The following ISLR2 variants were observed in gnomAD, a reference collection of about 807,000 sequenced individuals.
The protein encoded by ISLR2 is immunoglobulin superfamily containing leucine rich repeat 2.
ISLR2 carries 16 observed loss-of-function variants against 25.5 expected under a neutral mutation model. The observed-to-expected ratio is 0.63, with a 90% CI of 0.43 to 0.95. ISLR2 has a LOEUF of 0.95. Ranked by LOEUF, ISLR2 falls within the 40% of genes least tolerant of loss-of-function variation. The pLI is 0.00. For missense variants in ISLR2, 883 were observed against 1,030.7 expected (o/e 0.86, Z 1.96); for synonymous variants, 508 against 486.6 (o/e 1.04, Z -0.58).
In ISLR2 at chr15:74,132,945, C is replaced by T; in HGVS notation, c.191C>T (p.Thr64Ile). 6.2e-7 allele frequency: 1 copy of T among 1,614,074 alleles called. No individual in the cohort carries two copies. Among genetic ancestry groups the T allele is most frequent in the Non-Finnish European group, 8.5e-7 (1 of 1,179,942 alleles). Residue 64 changes from threonine (T) to isoleucine (I), a missense_variant, in exon 3 of 3, where the codon ACT becomes ATT. Thr to Ile is a moderately conservative substitution (Grantham distance 89). Coordinates refer to ENST00000453268, the MANE Select transcript of ISLR2 (RefSeq NM_020851.3). This position sits in a 1 kb window ranked among gnomAD's most constrained non-coding sequence, Gnocchi z 4.3. ...CTTAGTCTGTCCGCGAACAAGATCA[C>T]TGTGCTGCGGCGCGGGGCCTTCGCC... The part of the protein sequence containing the change: ...TTLSLSANKI[T>I]VLRRGAFADV...
intron 2 of ISLR2, among the ~76,000 whole-genome samples, chr15:74,111,456 A>T (rs1372784046): frequency 6.6e-6 from 1 of 151,598 alleles, no homozygotes; most frequent in Non-Finnish European, 1.5e-5. Flanking sequence ...TGCCTGGCTA[A>T]TTTTTGTATT....
chr15:74,138,288 C>CTTTTTTTTTTTTTTTTT (rs34518777), downstream of ISLR2: 3 of 91,676 alleles, frequency 3.3e-5, no homozygotes, highest in Non-Finnish European at 6.4e-5. Flanking sequence ...TTTCTTTTCT[C>CTTTTTTTTTTTTTTTTT]TTTTTTTTTT....
chr15:74,119,838 T>G (rs2072238813), intron 2 of ISLR2, among the ~76,000 whole-genome samples: 1 of 152,158 alleles, frequency 6.6e-6, no homozygotes, highest in Admixed American at 6.5e-5. Context: ...AGACCAGCCT[T>G]TTATACATGA....
chr15:74,125,886 ATAAT>A (rs1472257119), upstream of ISLR2: 1 of 152,232 alleles, frequency 6.6e-6, no homozygotes, highest in Non-Finnish European at 1.5e-5. Flanking sequence ...TCCCTAGAAA[ATAAT>A]TAAAGTCACA....
chr15:74,113,232 C>T (rs1236213327), intron 2 of ISLR2, among the ~76,000 whole-genome samples: 3 of 152,238 alleles, frequency 2.0e-5, no homozygotes, highest in East Asian at 1.9e-4. Flanking sequence ...CTTCCTGCTG[C>T]GCAGCCTGGT....
chr15:74,113,605 CA>C (rs912082358), intron 2 of ISLR2, among the ~76,000 whole-genome samples: 9 of 152,146 alleles, frequency 5.9e-5, no homozygotes, highest in Admixed American at 5.9e-4. Flanking sequence ...TTTATTTTGG[CA>C]GGGAATTAAA....
rs756967572 is a variant in ISLR2, at chr15:74,121,016, C to T, written n.229-10191C>T. 7.4e-4 allele frequency among the ~76,000 whole-genome samples: 112 copies of T among 152,044 alleles called. 1 individual carries two copies. The highest frequency in any genetic ancestry group is 6.8e-3 in the Middle Eastern group (2 of 294). ...TGCCCACCCTATCCCTCTTCCCTTCCCCTTCCTCTCTCACTCTCCTCTCCC... is the reference window on the plus strand; with the variant it reads ...TGCCCACCCTATCCCTCTTCCCTTCTCCTTCCTCTCTCACTCTCCTCTCCC... On this transcript the variant is annotated intron_variant and non_coding_transcript_variant, in intron 2 of 3. Transcript: ENST00000561975.
At chr15:74,137,376 C>T (rs2072580518), downstream of ISLR2, among the ~76,000 whole-genome samples, 2 of 152,176 alleles carry the variant, frequency 1.3e-5, no homozygotes, top group East Asian at 1.9e-4. Context: ...GCCGATTGCC[C>T]AGAGCGAGCC....
At position 74,135,888 on chromosome 15, in the gene ISLR2, A is replaced by T. The variant is rs1361074721; in HGVS notation, c.*896A>T. The T allele has an allele frequency of 6.0e-6, 1 of 166,942 alleles. No individual in the cohort carries two copies. Among genetic ancestry groups the T allele is most frequent in the Non-Finnish European group, 1.5e-5 (1 of 68,142 alleles). The allele number at this position is 166,942 out of a possible 1,614,324, so 10.3% of individuals were successfully genotyped here. ...GTTCCAAAGCCTCCTGCCGGCAGGGAACCAAATCCTTCTGTCCTCCCACCC... is the reference window on the plus strand; with the variant it reads ...GTTCCAAAGCCTCCTGCCGGCAGGGTACCAAATCCTTCTGTCCTCCCACCC... On this transcript the variant is annotated 3_prime_UTR_variant, in exon 3 of 3. Transcript: ENST00000453268.
Position 74,136,273 on chromosome 15 carries a change from G to T in ISLR2, c.*1281G>T. 6.0e-6 allele frequency: 1 copy of T among 166,320 alleles called. No individual in the cohort carries two copies. 10.3% of individuals were successfully genotyped at this position (166,320 alleles called of 1,614,324 possible). On this transcript the variant is annotated 3_prime_UTR_variant, in exon 3 of 3. Transcript: ENST00000453268. Reference sequence around the variant, plus strand: ...ACCCGACCCAGACCCTAGCTGGAAAGCGCCGGAGGCGGAGGAAGCTGACTG... The same window carrying T: ...ACCCGACCCAGACCCTAGCTGGAAATCGCCGGAGGCGGAGGAAGCTGACTG...
rs1422336856 is a variant in ISLR2, at chr15:74,133,399, C to T, written c.645C>T (p.Pro215=). The change falls in exon 3 of 3, where the codon CCC becomes CCT. Residue 215 remains proline (P), a synonymous_variant. Transcript: ENST00000453268. ...ACTCCATTGCTTGTGCCTCGCCTCC[C>T]GCGCTGCAGGGGGTGCCGGTGTACC... ...EPDSIACASP[P]ALQGVPVYRL... 6 of 1,607,046 alleles carry T rather than the reference C, an allele frequency of 3.7e-6. No individual in the cohort carries two copies. Among genetic ancestry groups the T allele is most frequent in the Admixed American group, 3.3e-5 (2 of 59,984 alleles).
chr15:74,125,836 C>G (rs1226303787), upstream of ISLR2: 1 of 152,210 alleles, frequency 6.6e-6, no homozygotes, highest in Admixed American at 6.5e-5. Flanking sequence ...CCTCTGAAAT[C>G]AACAGTCTTC....
At position 74,133,140 on chromosome 15, in the gene ISLR2, A is replaced by T. The variant is rs755257649; in HGVS notation, c.386A>T (p.Lys129Ile). Reference protein sequence around the residue: ...LRNLSALQLLKMNHNRLGSLP... With the variant: ...LRNLSALQLLIMNHNRLGSLP... ...AACCTGAGCGCGCTGCAGCTGCTCA[A>T]AATGAACCACAACCGCCTGGGCTCT... is the stretch of plus-strand genomic sequence containing the variant. Residue 129 changes from lysine (K) to isoleucine (I), a missense_variant, in exon 3 of 3, where the codon AAA becomes ATA. Physicochemically the swap from Lys to Ile is moderately radical, Grantham distance 102. Coordinates refer to ENST00000453268, the MANE Select transcript of ISLR2 (RefSeq NM_020851.3). 1.2e-6 allele frequency: 2 copies of T among 1,612,920 alleles called. No homozygotes were observed. The highest frequency in any genetic ancestry group is 1.1e-5 in the South Asian group (1 of 91,086).
At chr15:74,107,751 C>G (rs1483320190) in intron 2 of ISLR2, among the ~76,000 whole-genome samples, 1 of 152,218 alleles carries the variant, frequency 6.6e-6, no homozygotes, top group Non-Finnish European at 1.5e-5. Context: ...TCCCCACTTT[C>G]ATTTTCTACC....
chr15:74,128,466 G>C (rs1221181131), upstream of ISLR2: 2 of 456,654 alleles, frequency 4.4e-6, no homozygotes, highest in South Asian at 3.1e-5. Context: ...GAACTCCTTG[G>C]CTTCTGCAAC....
chr15:74,122,268 G>A (rs1355900658), intron 2 of ISLR2, among the ~76,000 whole-genome samples: 1 of 152,246 alleles, frequency 6.6e-6, no homozygotes, highest in African/African-American at 2.4e-5. Flanking sequence ...CTGATGCTGG[G>A]TGACTCTCTG....
intron 2 of ISLR2, among the ~76,000 whole-genome samples, chr15:74,122,485 C>G (rs1187005354): frequency 6.6e-6 from 1 of 152,242 alleles, no homozygotes; most frequent in Non-Finnish European, 1.5e-5. Flanking sequence ...AAACAGGATT[C>G]ATTTTCATTC....
intron 1 of ISLR2, among the ~76,000 whole-genome samples, chr15:74,100,686 A>G (rs1460732173): frequency 7.9e-6 from 1 of 126,848 alleles, no homozygotes; most frequent in Non-Finnish European, 1.6e-5. Context: ...ATAAGTTTTC[A>G]TCAACTGTAG....
chr15:74,107,937 C>G (rs1263782552), intron 2 of ISLR2, among the ~76,000 whole-genome samples: 1 of 152,122 alleles, frequency 6.6e-6, no homozygotes, highest in Non-Finnish European at 1.5e-5. Flanking sequence ...CCGGCCCCAC[C>G]CACCTCACAG....
Sources: allele counts gnomAD v4.1 joint callset (sites outside exome capture counted in the v4.1 genomes callset), GRCh38; gene constraint gnomAD v4.1.1; non-coding constraint Gnocchi (gnomAD v3.1); transcripts MANE v1.5; gene names NCBI Gene and HGNC (gene_info 2026-07-23, HGNC 2026-07-21).